The following CACNG8 variants were observed in gnomAD, a reference collection of about 807,000 sequenced individuals.
CACNG8 encodes the protein voltage-dependent calcium channel gamma-8 subunit.
CACNG8 carries 5 observed loss-of-function variants against 26.9 expected under a neutral mutation model. The ratio of observed to expected loss-of-function variants is 0.19; its 90% CI spans 0.10 to 0.39. The LOEUF is 0.39. Among genes scored for constraint, CACNG8 ranks in the 10% least tolerant of loss-of-function variants. The pLI is 1.00. For missense variants in CACNG8, 473 were observed against 609.4 expected, an observed-to-expected ratio of 0.78 and a Z score of 2.36; for synonymous variants, 321 against 296.7, an observed-to-expected ratio of 1.08 and a Z score of -0.84.
At chr19:53,977,500 C>A (rs568257431) in intron 1 of CACNG8, among the ~76,000 whole-genome samples, 1 of 152,122 alleles carries the variant, frequency 6.6e-6, no homozygotes, top group South Asian at 2.1e-4. Context: ...CATACTCCAC[C>A]CCTCACACAC....
chr19:53,982,554 G>GCGGCGGCGGCGCCGTGGGGGCGTT lies in CACNG8; in HGVS notation c.992_1015dup (p.Gly331_Gly338dup). The GCGGCGGCGGCGCCGTGGGGGCGTT allele has an allele frequency of 5.9e-6, 7 of 1,179,240 alleles. No homozygotes were observed. The highest frequency in any genetic ancestry group is 7.3e-6 in the Non-Finnish European group (7 of 955,448). The allele number at this position is 1,179,240 out of a possible 1,614,324, so 73.0% of individuals were successfully genotyped here. A position where few individuals can be genotyped will look rare whatever the true frequency, so the allele number is the denominator to read the frequency against. On this transcript the variant is annotated inframe_insertion, in exon 4 of 4. Transcript: ENST00000270458. The surrounding 1 kb of genome is among the most constrained non-coding windows in gnomAD (Gnocchi z 8.4). The stretch of plus-strand genomic sequence containing the variant: ...GCGGGGCTGGCGGGGGCCGGCGGCG[G>GCGGCGGCGGCGCCGTGGGGGCGTT]CGGCGGCGGCGCCGTGGGGGCGTTC...
Position 53,982,973 on chromosome 19 carries a change from GC to G in CACNG8, c.*128del, listed in dbSNP as rs2069383735. 3.8e-6 allele frequency: 2 copies of G among 530,742 alleles called. No homozygotes were observed. The highest frequency in any genetic ancestry group is 1.8e-4 in the South Asian group (2 of 11,178). 32.9% of individuals were successfully genotyped at this position (530,742 alleles called of 1,614,324 possible). On this transcript the variant is annotated 3_prime_UTR_variant, in exon 4 of 4. Transcript: ENST00000270458. The surrounding 1 kb of genome is among the most constrained non-coding windows in gnomAD (Gnocchi z 8.4). ...GAGCGCGCTGGAGACTGCTGGGCCC[GC>G]CCCACGCCCACCCTCCCCGCCCCCC...
At chr19:53,973,624 C>T (rs12985584) in intron 1 of CACNG8, among the ~76,000 whole-genome samples, 40,316 of 151,988 alleles carry the variant, frequency 0.27, 6,561 homozygotes, top group East Asian at 0.48. Flanking sequence ...GTCGGGAGAT[C>T]GAGACCATCC....
chr19:53,963,768 T>C (rs553326290), intron 1 of CACNG8, among the ~76,000 whole-genome samples: 106 of 151,710 alleles, frequency 7.0e-4, no homozygotes, highest in African/African-American at 2.4e-3. Context: ...GGGCTCCTCC[T>C]GTTTCATTTC....
rs1233206953 is a variant in CACNG8 at position 53,982,471 on chromosome 19, C to T, written c.900C>T (p.Ala300=). 4.6e-6 allele frequency: 7 copies of T among 1,514,528 alleles called. No homozygotes were observed. The highest frequency in any genetic ancestry group is 2.6e-5 in the East Asian group (1 of 38,104). 93.8% of individuals were successfully genotyped at this position (1,514,528 alleles called of 1,614,324 possible). ...GCGGCCCCGGGGGCCCGGGCTTTGC[C>T]TCCACGGACATCTCCATGTACACGC... The change falls in exon 4 of 4, where the codon GCC becomes GCT. Residue 300 remains alanine, a synonymous_variant. Coordinates refer to ENST00000270458, the MANE Select transcript of CACNG8 (RefSeq NM_031895.6). The surrounding 1 kb of genome is among the most constrained non-coding windows in gnomAD (Gnocchi z 8.4).
chr19:53,973,411 T>C (rs2069313332), intron 1 of CACNG8, among the ~76,000 whole-genome samples: 1 of 151,514 alleles, frequency 6.6e-6, no homozygotes, highest in Non-Finnish European at 1.5e-5. Context: ...TAATCCCAGG[T>C]ACTTGGGAGG....
At chr19:53,980,090 G>A in intron 3 of CACNG8, 83 bp downstream of exon 3, 3 of 1,368,582 alleles carry the variant, frequency 2.2e-6, no homozygotes, top group South Asian at 1.6e-5. Context: ...GTGTGTGCGC[G>A]CGCGCGCGTG....
chr19:53,981,806 G>C (rs998116047), intron 3 of CACNG8, among the ~76,000 whole-genome samples: 2 of 152,190 alleles, frequency 1.3e-5, no homozygotes, highest in African/African-American at 4.8e-5. Context: ...GCAGAGGTGA[G>C]GCCTGGGCCA....
chr19:53,980,033 C>G (rs753415128), intron 3 of CACNG8, 26 bp downstream of exon 3: 1 of 1,580,978 alleles, frequency 6.3e-7, no homozygotes. Flanking sequence ...AGGGGGCGAC[C>G]GGGGCGGCCC....
chr19:53,978,991 GA>G (rs2069347365), intron 2 of CACNG8, among the ~76,000 whole-genome samples: 1 of 39,572 alleles, frequency 2.5e-5, no homozygotes, highest in Non-Finnish European at 4.3e-5. Flanking sequence ...GAGGCCAGGC[GA>G]AAAAAGGGGT....
intron 1 of CACNG8, among the ~76,000 whole-genome samples, chr19:53,971,325 T>C (rs1434259671): frequency 6.6e-6 from 1 of 151,586 alleles, no homozygotes; most frequent in African/African-American, 2.4e-5. Context: ...ATTTTTCTAG[T>C]AGCTACATTA....
intron 1 of CACNG8, among the ~76,000 whole-genome samples, chr19:53,973,126 C>T (rs892956280): frequency 2.0e-5 from 3 of 152,222 alleles, no homozygotes; most frequent in Admixed American, 6.5e-5. Flanking sequence ...TTACTGTCAC[C>T]ACTAACCTGT....
chr19:53,982,231 C>T lies in CACNG8; in HGVS notation c.660C>T (p.Gly220=), dbSNP rs775088893. 9 of 1,612,856 alleles carry T rather than the reference C, an allele frequency of 5.6e-6. No homozygotes were observed. In the South Asian group the frequency reaches 7.7e-5, roughly 14 times the overall value. Residue 220 remains glycine, a synonymous_variant, in exon 4 of 4, where the codon GGC becomes GGT. Coordinates refer to ENST00000270458, the MANE Select transcript of CACNG8 (RefSeq NM_031895.6). The surrounding 1 kb of genome is among the most constrained non-coding windows in gnomAD (Gnocchi z 8.4). ...CGTTCATCCTGGCCGAGGTGATAGG[C>T]GTGCTGGCCGTCAACATCTACATCG... is the stretch of plus-strand genomic sequence containing the variant.
At chr19:53,978,507 C>G (rs1180015530) in intron 2 of CACNG8, among the ~76,000 whole-genome samples, 2 of 152,152 alleles carry the variant, frequency 1.3e-5, no homozygotes, top group East Asian at 1.9e-4. Flanking sequence ...CGCGGCGACT[C>G]TGCGCCGTGA....
At chr19:53,973,271 C>T (rs1354574160) in intron 1 of CACNG8, among the ~76,000 whole-genome samples, 7 of 152,158 alleles carry the variant, frequency 4.6e-5, no homozygotes, top group Admixed American at 3.9e-4. Context: ...CCTGTAATCC[C>T]AGCACTTTGG....
At position 53,982,860 on chromosome 19, in the gene CACNG8, G is replaced by A. The variant is rs748736695; in HGVS notation, c.*11G>A. 3.9e-6 allele frequency: 5 copies of A among 1,284,128 alleles called. No homozygotes were observed. The East Asian group carries it at 1.1e-4, about 27-fold the overall frequency. 79.5% of individuals were successfully genotyped at this position (1,284,128 alleles called of 1,614,324 possible). On this transcript the variant is annotated 3_prime_UTR_variant, in exon 4 of 4. Transcript: ENST00000270458. The surrounding 1 kb of genome is among the most constrained non-coding windows in gnomAD (Gnocchi z 8.4). ...ACCACGCCTGTGTAGGGGCGCGGCG[G>A]GGGAGCCGAGGGGCGTGTCCGGGGC...
chr19:53,982,246 C>T lies in CACNG8; in HGVS notation c.675C>T (p.Asn225=). 6.2e-7 allele frequency: 1 copy of T among 1,612,826 alleles called. No homozygotes were observed. Among genetic ancestry groups the T allele is most frequent in the Non-Finnish European group, 8.5e-7 (1 of 1,179,676 alleles). ...AGGTGATAGGCGTGCTGGCCGTCAA[C>T]ATCTACATCGAGCGCAGCCGCGAGG... is the stretch of plus-strand genomic sequence containing the variant. Residue 225 remains asparagine, a synonymous_variant, in exon 4 of 4, where the codon AAC becomes AAT. Transcript: ENST00000270458. The surrounding 1 kb of genome is among the most constrained non-coding windows in gnomAD (Gnocchi z 8.4).
Position 53,982,027 on chromosome 19 carries a change from G to A in CACNG8, c.509-53G>A. The A allele has an allele frequency of 4.7e-6, 7 of 1,501,220 alleles. No individual in the cohort carries two copies. Among genetic ancestry groups the A allele is most frequent in the South Asian group, 1.3e-5 (1 of 79,672 alleles). 93.0% of individuals were successfully genotyped at this position (1,501,220 alleles called of 1,614,324 possible). On this transcript the variant is annotated intron_variant, in intron 3 of 3. Coordinates refer to ENST00000270458, the MANE Select transcript of CACNG8 (RefSeq NM_031895.6). This position sits in a 1 kb window ranked among gnomAD's most constrained non-coding sequence, Gnocchi z 8.4. ...GCGGGCAGGGGTCGGGGCCGGGGGC[G>A]GGGGCGGGGCCGGGGGTGGCCTCGA...
In CACNG8 at chr19:53,963,091, G is replaced by A; in HGVS notation, c.-52G>A. On this transcript the variant is annotated 5_prime_UTR_variant, in exon 1 of 4. Transcript: ENST00000270458. ...CCCCCCCAGCCGCCGGCACGGCCCC[G>A]CCCCCGCTGCCCCGGTGGTGGCCCA... The A allele has an allele frequency of 6.9e-6, 7 of 1,013,774 alleles. No homozygotes were observed. Among genetic ancestry groups the A allele is most frequent in the South Asian group, 2.1e-5 (1 of 46,822 alleles). The allele number at this position is 1,013,774 out of a possible 1,614,324, so 62.8% of individuals were successfully genotyped here.
Sources: allele counts gnomAD v4.1 joint callset (sites outside exome capture counted in the v4.1 genomes callset), GRCh38; gene constraint gnomAD v4.1.1; non-coding constraint Gnocchi (gnomAD v3.1); transcripts MANE v1.5; gene names NCBI Gene and HGNC (gene_info 2026-07-23, HGNC 2026-07-21).